SEMA5A: variants seen among roughly 807,000 people sequenced by gnomAD.
The protein encoded by SEMA5A is semaphorin-5A.
In SEMA5A, 55 loss-of-function variants were observed where a neutral mutation model predicts 135.5. The ratio of observed to expected loss-of-function variants is 0.41; its 90% confidence interval spans 0.33 to 0.51. The LOEUF is 0.51. SEMA5A is among the 20% of genes least tolerant of loss of function. The pLI is 0.37. For synonymous variants in SEMA5A, 580 were observed against 546.5 expected (o/e 1.06, Z -0.85); for missense variants, 1,290 against 1,419.9 (o/e 0.91, Z 1.47).
chr5:9,098,459 A>G (rs1250629779), intron 16 of SEMA5A, among the ~76,000 whole-genome samples: 2 of 152,178 alleles, frequency 1.3e-5, no homozygotes. Context: ...TAATCAATTG[A>G]TTAGCTCAAA....
chr5:9,150,137 C>A (rs1477068023), intron 12 of SEMA5A, among the ~76,000 whole-genome samples: 1 of 152,188 alleles, frequency 6.6e-6, no homozygotes, highest in Non-Finnish European at 1.5e-5. Context: ...CCACTTCCAG[C>A]CTTTTCCCAC....
chr5:9,487,904 C>T (rs1734811448), intron 1 of SEMA5A, among the ~76,000 whole-genome samples: 1 of 152,132 alleles, frequency 6.6e-6, no homozygotes, highest in Non-Finnish European at 1.5e-5. Context: ...CCCTACTGAA[C>T]TCTTATTTTT....
intron 11 of SEMA5A, among the ~76,000 whole-genome samples, chr5:9,162,515 T>C (rs185098964): frequency 0.15 from 12,903 of 86,692 alleles, 1,193 homozygotes; most frequent in African/African-American, 0.25. Flanking sequence ...TAGGAATATA[T>C]GTGTATATGT....
intron 5 of SEMA5A, among the ~76,000 whole-genome samples, chr5:9,277,932 C>A (rs866624556): frequency 6.6e-6 from 1 of 152,124 alleles, no homozygotes; most frequent in South Asian, 2.1e-4. Flanking sequence ...ATGTTCCGCA[C>A]ATGTACCCCA....
intron 16 of SEMA5A, among the ~76,000 whole-genome samples, chr5:9,068,955 C>G (rs1737625072): frequency 6.6e-6 from 1 of 152,146 alleles, no homozygotes; most frequent in South Asian, 2.1e-4. Flanking sequence ...AACCAAGAGT[C>G]CTCTCTCAGC....
Position 9,524,142 on chromosome 5 carries a change from C to G in SEMA5A, c.-175+21442G>C, listed in dbSNP as rs578175748. Among the ~76,000 whole-genome samples the G allele has an allele frequency of 2.0e-5, 3 of 152,306 alleles. No individual in the cohort carries two copies. The South Asian group carries it at 6.2e-4, about 32-fold the overall frequency. ...GGTTGTTGAAAAGTATAGTTCTTCT[C>G]CCTTTGAGTTGTCTCTCCTGCCTCT... On this transcript the variant is annotated intron_variant, in intron 1 of 22. Transcript: ENST00000382496.
chr5:9,388,478 A>AAAAAAG (rs1183810275), intron 2 of SEMA5A, among the ~76,000 whole-genome samples: 1 of 151,984 alleles, frequency 6.6e-6, no homozygotes, highest in Non-Finnish European at 1.5e-5. Context: ...AGAAAAAAAA[A>AAAAAAG]AAAAAGAAAA....
At chr5:9,458,520 G>C (rs1181407726) in intron 1 of SEMA5A, among the ~76,000 whole-genome samples, 2 of 152,190 alleles carry the variant, frequency 1.3e-5, no homozygotes, top group African/African-American at 4.8e-5. Context: ...GATTCAGATA[G>C]CAGGCACTCG....
chr5:9,388,642 G>C (rs1438617480), intron 2 of SEMA5A, among the ~76,000 whole-genome samples: 1 of 152,176 alleles, frequency 6.6e-6, no homozygotes, highest in African/African-American at 2.4e-5. Context: ...GCTCACGCCT[G>C]TAATCCCTGC....
At chr5:9,095,863 G>T (rs1259976593) in intron 16 of SEMA5A, among the ~76,000 whole-genome samples, 1 of 152,172 alleles carries the variant, frequency 6.6e-6, no homozygotes, top group African/African-American at 2.4e-5. Context: ...AAAGTCTCTG[G>T]CTGCATTTGT....
At chr5:9,340,145 T>G (rs1329868383) in intron 3 of SEMA5A, among the ~76,000 whole-genome samples, 1 of 152,214 alleles carries the variant, frequency 6.6e-6, no homozygotes, top group East Asian at 1.9e-4. Context: ...CAGCCATTGT[T>G]AAACATCGCT....
intron 13 of SEMA5A, among the ~76,000 whole-genome samples, chr5:9,127,408 C>T (rs1285753174): frequency 6.6e-6 from 1 of 152,204 alleles, no homozygotes. Flanking sequence ...CAGTGCCCTT[C>T]AGCAAATTCC....
At chr5:9,075,579 G>A (rs1306534974) in intron 16 of SEMA5A, among the ~76,000 whole-genome samples, 1 of 148,630 alleles carries the variant, frequency 6.7e-6, no homozygotes, top group Admixed American at 6.7e-5. Context: ...GTGTGACACT[G>A]TAGAATTCTA....
At chr5:9,312,230 G>T (rs926609691) in intron 5 of SEMA5A, among the ~76,000 whole-genome samples, 1 of 151,382 alleles carries the variant, frequency 6.6e-6, no homozygotes, top group African/African-American at 2.4e-5. Flanking sequence ...CTGAAGATTT[G>T]AATCTGTTAT....
chr5:9,457,563 C>T (rs940849909), intron 1 of SEMA5A, among the ~76,000 whole-genome samples: 1 of 152,168 alleles, frequency 6.6e-6, no homozygotes, highest in African/African-American at 2.4e-5. Flanking sequence ...ATGGTCTACT[C>T]TACGAGCCTG....
intron 5 of SEMA5A, chr5:9,280,736 A>C: frequency 3.2e-6 from 1 of 316,654 alleles, no homozygotes; most frequent in South Asian, 2.6e-5. Context: ...GAGGACTCTC[A>C]AGTTAACCAG....
intron 11 of SEMA5A, among the ~76,000 whole-genome samples, chr5:9,188,812 C>G (rs1744942598): frequency 1.0e-5 from 1 of 99,658 alleles, no homozygotes; most frequent in African/African-American, 5.0e-5. Context: ...CAACAAAATC[C>G]TTTCCTTGAC....
intron 1 of SEMA5A, among the ~76,000 whole-genome samples, chr5:9,465,641 G>A (rs1419759899): frequency 1.3e-5 from 2 of 152,176 alleles, no homozygotes; most frequent in South Asian, 2.1e-4. Context: ...TAAAGTATAT[G>A]GGAAGATGCT....
intron 11 of SEMA5A, among the ~76,000 whole-genome samples, chr5:9,188,624 C>T (rs1744932144): frequency 6.6e-6 from 1 of 152,106 alleles, no homozygotes; most frequent in Non-Finnish European, 1.5e-5. Flanking sequence ...GAAGATGGCC[C>T]TATTCTCCGT....
Sources: allele counts gnomAD v4.1 joint callset (sites outside exome capture counted in the v4.1 genomes callset), GRCh38; gene constraint gnomAD v4.1.1; transcripts MANE v1.5; gene names NCBI Gene and HGNC (gene_info 2026-07-23, HGNC 2026-07-21).